The following TMPRSS13 variants were observed in gnomAD, a reference collection of about 807,000 sequenced individuals.
TMPRSS13 encodes the protein transmembrane serine protease 13.
In TMPRSS13, 50 loss-of-function variants were observed where a neutral mutation model predicts 68.4. That is an observed-to-expected ratio of 0.73 (90% CI 0.58 to 0.93). TMPRSS13 has a LOEUF of 0.93. Ranked by LOEUF, TMPRSS13 falls within the 40% of genes least tolerant of loss-of-function variation. The pLI, the probability that TMPRSS13 is intolerant of heterozygous loss-of-function variation, is 0.00. For missense variants in TMPRSS13, 615 were observed against 729.2 expected (o/e 0.84, Z 1.80); for synonymous variants, 267 against 285.8 (o/e 0.93, Z 0.66).
chr11:117,908,352 C>G lies in TMPRSS13; in HGVS notation c.1282+260G>C, dbSNP rs1216584625. 6.6e-6 allele frequency: 4 copies of G among 603,646 alleles called. No individual in the cohort carries two copies. In the Admixed American group the frequency reaches 1.2e-4, roughly 18 times the overall value. 37.4% of individuals were successfully genotyped at this position (603,646 alleles called of 1,614,324 possible). On this transcript the variant is annotated intron_variant, in intron 9 of 12. Transcript: ENST00000524993. Reference sequence around the variant, plus strand: ...AAGAATTCAATCTATTGATTAAGATCAGTACCCAAGCCCTGACTCCGTCAT... The same window carrying G: ...AAGAATTCAATCTATTGATTAAGATGAGTACCCAAGCCCTGACTCCGTCAT...
chr11:117,926,645 G>A (rs891196629), intron 1 of TMPRSS13, among the ~76,000 whole-genome samples: 3 of 152,194 alleles, frequency 2.0e-5, no homozygotes, highest in Admixed American at 6.5e-5. Context: ...CACAAAATAC[G>A]CATTGTCAAG....
chr11:117,918,321 G>T (rs950880449), intron 2 of TMPRSS13, 88 bp downstream of exon 2: 5 of 1,403,026 alleles, frequency 3.6e-6, no homozygotes, highest in African/African-American at 2.9e-5. Flanking sequence ...TGTCTGCTAT[G>T]AGAGCAGAGC....
rs757757692 is a variant in TMPRSS13 at position 117,915,571 on chromosome 11, A to T, written c.557-1057T>A. ...GGAGTGCTCATGGAGCCCCACGTGG[A>T]TGTGTAGTGGAGAGGGTACTGGGCC... On this transcript the variant is annotated intron_variant, in intron 3 of 12. Coordinates refer to ENST00000524993, the MANE Select transcript of TMPRSS13 (RefSeq NM_001077263.3). The surrounding 1 kb of genome is among the most constrained non-coding windows in gnomAD (Gnocchi z 4.9). Among the ~76,000 whole-genome samples, 2 of 152,046 alleles carry T rather than the reference A, an allele frequency of 1.3e-5. No individual in the cohort carries two copies. The highest frequency in any genetic ancestry group is 2.9e-5 in the Non-Finnish European group (2 of 67,986).
chr11:117,927,318 T>C (rs183947328), intron 1 of TMPRSS13, among the ~76,000 whole-genome samples: 16 of 152,364 alleles, frequency 1.1e-4, no homozygotes, highest in African/African-American at 3.8e-4. Flanking sequence ...TTAAATTTAG[T>C]TTGTCCAACA....
In TMPRSS13 at chr11:117,902,031, T is replaced by C; in HGVS notation, c.*208A>G. On this transcript the variant is annotated 3_prime_UTR_variant, in exon 13 of 13. Transcript: ENST00000524993. ...TTTTGAGAAGAGTTGACAGCTCTGC[T>C]GGTTTCTGAAAAACTTGGGAGAGTG... is the stretch of plus-strand genomic sequence containing the variant. 6.4e-6 allele frequency: 4 copies of C among 622,394 alleles called. 1 individual carries two copies. The South Asian group carries it at 7.5e-5, about 12-fold the overall frequency. The allele number at this position is 622,394 out of a possible 1,614,324, so 38.6% of individuals were successfully genotyped here.
At chr11:117,905,232 T>C (rs2057452536) in intron 10 of TMPRSS13, among the ~76,000 whole-genome samples, 2 of 151,796 alleles carry the variant, frequency 1.3e-5, no homozygotes, top group African/African-American at 4.8e-5. Context: ...TCATAACCCC[T>C]GCTTCCTGAC....
At chr11:117,916,946 C>A (rs991443580) in intron 3 of TMPRSS13, among the ~76,000 whole-genome samples, 13 of 152,170 alleles carry the variant, frequency 8.5e-5, no homozygotes, top group African/African-American at 3.1e-4. Flanking sequence ...CAGATGAGAG[C>A]CAAGCTCAGG....
chr11:117,907,907 G>GAATA (rs1004350533), intron 9 of TMPRSS13: 4 of 985,494 alleles, frequency 4.1e-6, no homozygotes, highest in Non-Finnish European at 4.8e-6. Flanking sequence ...GTGAATGAAT[G>GAATA]AATGAATGAA....
At chr11:117,912,118 G>A (rs912078440) in intron 5 of TMPRSS13, among the ~76,000 whole-genome samples, 1 of 152,192 alleles carries the variant, frequency 6.6e-6, no homozygotes, top group African/African-American at 2.4e-5. Context: ...TCTCATGGTG[G>A]AGACTGGTAG....
At chr11:117,919,998 C>G (rs1464099679) in intron 1 of TMPRSS13, among the ~76,000 whole-genome samples, 1 of 152,216 alleles carries the variant, frequency 6.6e-6, no homozygotes, top group African/African-American at 2.4e-5. Context: ...CTGGGGGTTA[C>G]CACAGGGATC....
chr11:117,928,437 C>T (rs1445381099), intron 1 of TMPRSS13, among the ~76,000 whole-genome samples: 2 of 152,222 alleles, frequency 1.3e-5, no homozygotes, highest in Non-Finnish European at 2.9e-5. Flanking sequence ...ATGAGCTGAT[C>T]TTTCCCAAAC....
Position 117,911,800 on chromosome 11 carries a change from T to C in TMPRSS13, c.870A>G (p.Arg290=). Residue 290 remains arginine, a synonymous_variant, in exon 6 of 13, where the codon AGA becomes AGG. Coordinates refer to ENST00000524993, the MANE Select transcript of TMPRSS13 (RefSeq NM_001077263.3). ...RDFANSFSIL[R]YNSTIQESLH... is the part of the protein sequence containing the mutation. ...GGCTTTCCTGGATGGTGGAGTTGTA[T>C]CTCAAGATTGAGAAGCTGTTGGCAA... 1.2e-6 allele frequency: 2 copies of C among 1,614,118 alleles called. No individual in the cohort carries two copies. The highest frequency in any genetic ancestry group is 1.7e-6 in the Non-Finnish European group (2 of 1,180,020).
At chr11:117,928,672 C>G (rs575065909) in intron 1 of TMPRSS13, among the ~76,000 whole-genome samples, 42 of 152,288 alleles carry the variant, frequency 2.8e-4, no homozygotes, top group African/African-American at 9.6e-4. Flanking sequence ...TTCTCCTACC[C>G]CAAGAGCAGC....
intron 1 of TMPRSS13, among the ~76,000 whole-genome samples, chr11:117,925,144 G>A (rs73022490): frequency 0.068 from 10,350 of 152,280 alleles, 448 homozygotes; most frequent in East Asian, 0.19. Flanking sequence ...TTGCAGACCA[G>A]CTGGTGGGGA....
chr11:117,908,660 C>T lies in TMPRSS13; in HGVS notation c.1234G>A (p.Asp412Asn), dbSNP rs1266083599. ...INSNYTDEED[D>N]YDIALMRLSK... ...AGCCGCATGAGGGCGATGTCATAGTCGTCCTCCTCATCGGTGTAATTGCTG... is the reference window on the plus strand; with the variant it reads ...AGCCGCATGAGGGCGATGTCATAGTTGTCCTCCTCATCGGTGTAATTGCTG... The change falls in exon 9 of 13, where the codon GAC (aspartate) becomes AAC (asparagine). Residue 412 changes from aspartate to asparagine, a missense_variant. Physicochemically the swap from Asp to Asn is conservative, Grantham distance 23 (BLOSUM62 1). Transcript: ENST00000524993. 1.3e-5 allele frequency: 21 copies of T among 1,584,386 alleles called. No homozygotes were observed. Among genetic ancestry groups the T allele is most frequent in the Admixed American group, 1.1e-4 (6 of 54,092 alleles).
chr11:117,904,228 C>A (rs2057440221), intron 10 of TMPRSS13, 127 bp from the exon 11 acceptor site: 2 of 1,325,188 alleles, frequency 1.5e-6, no homozygotes, highest in Admixed American at 2.5e-5. Flanking sequence ...GGGTGCCATG[C>A]CCGTGCCTGG....
intron 1 of TMPRSS13, among the ~76,000 whole-genome samples, chr11:117,925,089 T>C (rs527413654): frequency 5.9e-5 from 9 of 152,334 alleles, no homozygotes; most frequent in African/African-American, 1.4e-4. Flanking sequence ...ATCAGCAGTT[T>C]TCAAACAGGG....
intron 12 of TMPRSS13, chr11:117,903,409 C>T (rs1419349951): frequency 2.0e-6 from 3 of 1,535,906 alleles, no homozygotes; most frequent in Non-Finnish European, 8.7e-7. Context: ...CCAGCAACTG[C>T]CTGCCTGGCC....
intron 5 of TMPRSS13, 42 bp from the exon 6 acceptor site, chr11:117,911,902 CAG>C (rs771260552): frequency 1.3e-6 from 2 of 1,544,122 alleles, no homozygotes; most frequent in Non-Finnish European, 1.8e-6. Context: ...CCCCTGGAGA[CAG>C]AGTCATCCCA....
Sources: allele counts gnomAD v4.1 joint callset (sites outside exome capture counted in the v4.1 genomes callset), GRCh38; gene constraint gnomAD v4.1.1; non-coding constraint Gnocchi (gnomAD v3.1); transcripts MANE v1.5; gene names NCBI Gene and HGNC (gene_info 2026-07-23, HGNC 2026-07-21).